GATAD2B: variants seen among roughly 807,000 people sequenced by gnomAD.
GATAD2B encodes transcriptional repressor p66-beta.
A neutral mutation model predicts 64.3 loss-of-function variants in GATAD2B; 8 were observed. The ratio of observed to expected loss-of-function variants is 0.12; its 90% confidence interval spans 0.07 to 0.22. The LOEUF (loss-of-function observed/expected upper bound fraction) is 0.22. GATAD2B is among the 10% of genes least tolerant of loss of function. The pLI is 1.00. For synonymous variants in GATAD2B, 281 were observed against 271.3 expected (o/e 1.04, Z -0.35); for missense variants, 453 against 752.0 (o/e 0.60, Z 4.65).
At chr1:153,890,709 G>C (rs1211180421) in intron 1 of GATAD2B, 1 of 152,084 alleles carries the variant, frequency 6.6e-6, no homozygotes, top group East Asian at 1.9e-4. Context: ...ATCCAAAACA[G>C]AGTACTAAAC....
chr1:153,814,891 G>T (rs1674398776), intron 7 of GATAD2B, among the ~76,000 whole-genome samples: 1 of 151,300 alleles, frequency 6.6e-6, no homozygotes, highest in Non-Finnish European at 1.5e-5. Context: ...CAGGAATATT[G>T]CTTGAACCCA....
chr1:153,922,201 C>G (rs1165548435), intron 1 of GATAD2B, among the ~76,000 whole-genome samples: 1 of 151,782 alleles, frequency 6.6e-6, no homozygotes, highest in Non-Finnish European at 1.5e-5. Context: ...CCCTTAGATT[C>G]CCCATTCGTC....
chr1:153,819,409 T>C (rs977101737), intron 3 of GATAD2B, among the ~76,000 whole-genome samples, 197 bp downstream of exon 3: 1 of 152,228 alleles, frequency 6.6e-6, no homozygotes, highest in African/African-American at 2.4e-5. Flanking sequence ...ACATATATGC[T>C]TTTCAAACTG....
intron 1 of GATAD2B, among the ~76,000 whole-genome samples, chr1:153,841,718 G>A (rs1002882176): frequency 3.3e-5 from 5 of 152,094 alleles, no homozygotes; most frequent in African/African-American, 9.7e-5. Context: ...GTTGTTTTCC[G>A]TTTTTGGCTA....
chr1:153,853,305 T>C, intron 1 of GATAD2B: 1 of 825,894 alleles, frequency 1.2e-6, no homozygotes, highest in Non-Finnish European at 2.1e-6. Flanking sequence ...ACTGGTCCTT[T>C]GTACTGACAT....
intron 1 of GATAD2B, among the ~76,000 whole-genome samples, chr1:153,909,423 A>G (rs1296663568): frequency 2.0e-5 from 3 of 151,464 alleles, no homozygotes; most frequent in Admixed American, 2.0e-4. Context: ...TGTGGTCTCG[A>G]TCTCCTGACC....
At position 153,887,277 on chromosome 1, in the gene GATAD2B, C is replaced by T. The variant is rs193200744; in HGVS notation, c.-2+35456G>A. Among the ~76,000 whole-genome samples, 5 of 152,246 alleles carry T rather than the reference C, an allele frequency of 3.3e-5. No individual in the cohort carries two copies. In the East Asian group the frequency reaches 7.7e-4, roughly 23 times the overall value. On this transcript the variant is annotated intron_variant, in intron 1 of 10. Coordinates refer to ENST00000368655, the MANE Select transcript of GATAD2B (RefSeq NM_020699.4). ...AAGAAAACCATTTGCTTTCCCAATC[C>T]CTGATACACAAATTGGGAATCACAC...
Position 153,813,452 on chromosome 1 carries a change from C to T in GATAD2B, c.1217G>A (p.Gly406Asp). Reference protein sequence around the residue: ...EVVQSVIDSQGKSCASLLRVE... With the variant: ...EVVQSVIDSQDKSCASLLRVE... Reference sequence around the variant, plus strand: ...CCGCAGAAGTGAGGCACAGCTTTTGCCTAGATACCAACAAAAATAGTCAGT... The same window carrying T: ...CCGCAGAAGTGAGGCACAGCTTTTGTCTAGATACCAACAAAAATAGTCAGT... The change falls in exon 8 of 11, where the codon GGC becomes GAC. Residue 406 changes from glycine to aspartate, a missense_variant and splice_region_variant. By Grantham distance (94) the Gly-to-Asp change is moderately conservative (BLOSUM62 -1). Transcript: ENST00000368655. 2 of 1,610,826 alleles carry T rather than the reference C, an allele frequency of 1.2e-6. No individual in the cohort carries two copies. The highest frequency in any genetic ancestry group is 1.7e-6 in the Non-Finnish European group (2 of 1,177,064).
chr1:153,895,361 T>G (rs1677553949), intron 1 of GATAD2B, among the ~76,000 whole-genome samples: 1 of 146,824 alleles, frequency 6.8e-6, no homozygotes, highest in African/African-American at 2.5e-5. Context: ...TTACAGAAAC[T>G]GATAAACAAG....
In GATAD2B at chr1:153,850,877, C is replaced by T. The variant is rs181215511; in HGVS notation, c.-1-22529G>A. Among the ~76,000 whole-genome samples the T allele has an allele frequency of 8.1e-4, 123 of 151,510 alleles. 1 individual carries two copies. Among genetic ancestry groups the T allele is most frequent in the African/African-American group, 2.7e-3 (110 of 41,308 alleles). On this transcript the variant is annotated intron_variant, in intron 1 of 10. Coordinates refer to ENST00000368655, the MANE Select transcript of GATAD2B (RefSeq NM_020699.4). ...CGGAGGTTGCAGTGAGCCGGGAACG[C>T]GCCACTACACTACAGCCTGGGTGAC...
In GATAD2B at chr1:153,828,228, C is replaced by T; in HGVS notation, c.120G>A (p.Met40Ile). 6.2e-7 allele frequency: 1 copy of T among 1,614,188 alleles called. No individual in the cohort carries two copies. Among genetic ancestry groups the T allele is most frequent in the Non-Finnish European group, 8.5e-7 (1 of 1,180,022 alleles). ...GCAATGCCAACATTTTCAGACGTTC[C>T]ATGGCCTCATGCCCCTCCATTTTGA... is the stretch of plus-strand genomic sequence containing the variant. The part of the protein sequence containing the change: ...KRLKMEGHEA[M>I]ERLKMLALLK... Residue 40 changes from methionine to isoleucine, a missense_variant, in exon 2 of 11, where the codon ATG (methionine) becomes ATA (isoleucine). By Grantham distance (10) the Met-to-Ile change is conservative (BLOSUM62 1). Coordinates refer to ENST00000368655, the MANE Select transcript of GATAD2B (RefSeq NM_020699.4).
intron 1 of GATAD2B, among the ~76,000 whole-genome samples, chr1:153,854,771 C>A (rs1180832668): frequency 6.6e-6 from 1 of 152,036 alleles, no homozygotes; most frequent in African/African-American, 2.4e-5. Flanking sequence ...AAAATAACTC[C>A]ACAGACGACT....
chr1:153,829,715 G>A (rs981915992), intron 1 of GATAD2B, among the ~76,000 whole-genome samples: 3 of 152,194 alleles, frequency 2.0e-5, no homozygotes, highest in South Asian at 2.1e-4. Flanking sequence ...CAGCCTGGGC[G>A]ACAGAGTGAG....
intron 1 of GATAD2B, among the ~76,000 whole-genome samples, chr1:153,835,045 T>C (rs1675219470): frequency 6.6e-6 from 1 of 151,974 alleles, no homozygotes. Flanking sequence ...CCCAGGAGTT[T>C]GAGGCTACAA....
At chr1:153,857,138 A>G (rs1235296157) in intron 1 of GATAD2B, among the ~76,000 whole-genome samples, 3 of 31,114 alleles carry the variant, frequency 9.6e-5, no homozygotes, top group African/African-American at 1.9e-4. Flanking sequence ...ATGCATATGC[A>G]TATATATATA....
At chr1:153,880,279 T>A (rs1676969983) in intron 1 of GATAD2B, among the ~76,000 whole-genome samples, 1 of 151,566 alleles carries the variant, frequency 6.6e-6, no homozygotes, top group South Asian at 2.1e-4. Context: ...CTGACCAACA[T>A]GGTGAAACCC....
chr1:153,858,655 G>T (rs1008775339), intron 1 of GATAD2B, among the ~76,000 whole-genome samples: 4 of 152,060 alleles, frequency 2.6e-5, no homozygotes, highest in African/African-American at 9.7e-5. Context: ...GATCACTTGG[G>T]TCTATGTAAA....
intron 1 of GATAD2B, among the ~76,000 whole-genome samples, chr1:153,836,264 T>G (rs1467399595): frequency 1.5e-5 from 2 of 131,164 alleles, no homozygotes; most frequent in African/African-American, 2.9e-5. Flanking sequence ...AAAAAATTTG[T>G]TTTTTTTTTT....
At chr1:153,915,471 G>A (rs1678233075) in intron 1 of GATAD2B, among the ~76,000 whole-genome samples, 1 of 151,998 alleles carries the variant, frequency 6.6e-6, no homozygotes, top group South Asian at 2.1e-4. Context: ...TGAGGGCAAA[G>A]AAGAAAATGT....
Sources: allele counts gnomAD v4.1 joint callset (sites outside exome capture counted in the v4.1 genomes callset), GRCh38; gene constraint gnomAD v4.1.1; transcripts MANE v1.5; gene names NCBI Gene and HGNC (gene_info 2026-07-23, HGNC 2026-07-21).